PITPNC1: variants seen among roughly 807,000 people sequenced by gnomAD.
PITPNC1 encodes the protein cytoplasmic phosphatidylinositol transfer protein 1.
A neutral mutation model predicts 44.7 loss-of-function variants in PITPNC1; 18 were observed. The observed-to-expected ratio is 0.40, with a 90% CI of 0.28 to 0.60. The LOEUF is 0.60. PITPNC1 is among the 20% of genes least tolerant of loss of function. PITPNC1 has a pLI of 0.39. For synonymous variants in PITPNC1, 141 were observed against 149.6 expected (o/e 0.94, Z 0.42); for missense variants, 290 against 418.4 (o/e 0.69, Z 2.68).
intron 6 of PITPNC1, among the ~76,000 whole-genome samples, chr17:67,662,864 A>C (rs2042368491): frequency 6.6e-6 from 1 of 152,038 alleles, no homozygotes; most frequent in Admixed American, 6.6e-5. Flanking sequence ...TGGAGTATGG[A>C]TCCTGTCACC....
intron 1 of PITPNC1, among the ~76,000 whole-genome samples, chr17:67,506,317 TA>T (rs369658003): frequency 7.9e-5 from 12 of 152,368 alleles, no homozygotes; most frequent in African/African-American, 2.9e-4. Context: ...TGTTCCTGAA[TA>T]TACAATCTCC....
chr17:67,455,948 A>C (rs2143961325), intron 1 of PITPNC1, among the ~76,000 whole-genome samples: 1 of 152,350 alleles, frequency 6.6e-6, no homozygotes, highest in East Asian at 1.9e-4. Flanking sequence ...ATGTACAGAT[A>C]ATAATGAAAC....
intron 4 of PITPNC1, among the ~76,000 whole-genome samples, chr17:67,573,674 C>T (rs554738001): frequency 2.0e-5 from 3 of 151,654 alleles, no homozygotes; most frequent in East Asian, 1.9e-4. Flanking sequence ...GCGATTCTTC[C>T]CGCTCAGCCT....
intron 1 of PITPNC1, among the ~76,000 whole-genome samples, chr17:67,462,340 T>G (rs1034539480): frequency 6.8e-6 from 1 of 147,546 alleles, no homozygotes; most frequent in African/African-American, 2.5e-5. Flanking sequence ...CAAGCAATTC[T>G]CCTGCTTCAG....
At chr17:67,601,609 G>T (rs575139640) in intron 5 of PITPNC1, among the ~76,000 whole-genome samples, 15 of 152,080 alleles carry the variant, frequency 9.9e-5, no homozygotes, top group Admixed American at 9.2e-4. Context: ...TAAAAAATTT[G>T]GCAAGCATGG....
chr17:67,422,099 C>T (rs1258748235), intron 1 of PITPNC1, among the ~76,000 whole-genome samples: 2 of 152,088 alleles, frequency 1.3e-5, no homozygotes, highest in Non-Finnish European at 2.9e-5. Context: ...TGTGACTGTA[C>T]CCAAGAAGGC....
chr17:67,617,088 AC>A (rs1211685793), intron 5 of PITPNC1, among the ~76,000 whole-genome samples: 1 of 152,172 alleles, frequency 6.6e-6, no homozygotes, highest in Admixed American at 6.5e-5. Context: ...ATAACAGAGA[AC>A]CAAAAAAAGC....
At chr17:67,623,700 G>A (rs116252095) in intron 5 of PITPNC1, among the ~76,000 whole-genome samples, 111 of 152,258 alleles carry the variant, frequency 7.3e-4, no homozygotes, top group African/African-American at 2.6e-3. Context: ...TTATTTTCTA[G>A]AGCAGTTTAG....
intron 8 of PITPNC1, among the ~76,000 whole-genome samples, chr17:67,687,945 T>C (rs1056941948): frequency 2.6e-5 from 4 of 151,888 alleles, no homozygotes; most frequent in African/African-American, 9.7e-5. Flanking sequence ...ATCATTTCTT[T>C]GCATCTTCAG....
Position 67,382,338 on chromosome 17 carries a change from G to GGTGTGTGT in PITPNC1, c.48+4163_48+4170dup, listed in dbSNP as rs112100189. 9.0e-4 allele frequency among the ~76,000 whole-genome samples: 131 copies of GGTGTGTGT among 146,198 alleles called. 1 individual carries two copies. The South Asian group carries it at 0.013, about 15-fold the overall frequency. Reference sequence around the variant, plus strand: ...GATTAGAGTGTTGGTGGGGTTTTTTGGTGTGTGTGTGTGTGTGTGTGTGTG... The same window carrying GGTGTGTGT: ...GATTAGAGTGTTGGTGGGGTTTTTTGGTGTGTGTGTGTGTGTGTGTGTGTGTGTGTGTG... On this transcript the variant is annotated intron_variant, in intron 1 of 8. Coordinates refer to ENST00000581322, the MANE Select transcript of PITPNC1 (RefSeq NM_012417.4).
chr17:67,417,101 A>C lies in PITPNC1; in HGVS notation c.48+38899A>C, dbSNP rs900993045. On this transcript the variant is annotated intron_variant, in intron 1 of 8. Transcript: ENST00000581322. ...AGTGCTGGGATTACAAGTGTGAGCC[A>C]CCACGCCCGGCCAACATTCAGCATT... 6.6e-5 allele frequency among the ~76,000 whole-genome samples: 10 copies of C among 151,222 alleles called. No homozygotes were observed. In the East Asian group the frequency reaches 2.0e-3, roughly 30 times the overall value.
At chr17:67,645,762 T>C (rs1275915459) in intron 6 of PITPNC1, among the ~76,000 whole-genome samples, 1 of 152,202 alleles carries the variant, frequency 6.6e-6, no homozygotes, top group Admixed American at 6.5e-5. Context: ...TTTGTGCAGT[T>C]TTTTTCCTAA....
intron 2 of PITPNC1, among the ~76,000 whole-genome samples, chr17:67,534,781 T>C (rs759434111): frequency 2.0e-5 from 3 of 152,260 alleles, no homozygotes; most frequent in Non-Finnish European, 4.4e-5. Flanking sequence ...GCCTCTCCGA[T>C]TGGCCCATAT....
At chr17:67,606,037 C>T (rs1382882993) in intron 5 of PITPNC1, among the ~76,000 whole-genome samples, 1 of 152,168 alleles carries the variant, frequency 6.6e-6, no homozygotes, top group East Asian at 1.9e-4. Flanking sequence ...CTCCACACTC[C>T]ACCTCAGCTG....
chr17:67,630,717 C>CTT (rs113540590), intron 5 of PITPNC1, among the ~76,000 whole-genome samples: 7 of 144,270 alleles, frequency 4.9e-5, no homozygotes, highest in Non-Finnish European at 9.2e-5. Context: ...GAAATTTAGA[C>CTT]TTTTTTTTTT....
At chr17:67,630,860 C>G (rs2041956680) in intron 5 of PITPNC1, among the ~76,000 whole-genome samples, 1 of 151,188 alleles carries the variant, frequency 6.6e-6, no homozygotes, top group African/African-American at 2.4e-5. Flanking sequence ...TACAGGTGTG[C>G]AGCATCACGC....
intron 1 of PITPNC1, among the ~76,000 whole-genome samples, chr17:67,446,136 G>A (rs1312426863): frequency 6.6e-6 from 1 of 151,694 alleles, no homozygotes; most frequent in Non-Finnish European, 1.5e-5. Flanking sequence ...TGGTACAGAC[G>A]GGGTTTCACC....
At position 67,552,147 on chromosome 17, in the gene PITPNC1, AGATGCCCCAGAAT is replaced by A. The variant is rs2040773964; in HGVS notation, c.198-109_198-97del. The A allele has an allele frequency of 4.3e-6, 3 of 695,622 alleles. No homozygotes were observed. The South Asian group carries it at 4.7e-5, about 11-fold the overall frequency. 43.1% of individuals were successfully genotyped at this position (695,622 alleles called of 1,614,324 possible). The stretch of plus-strand genomic sequence containing the variant: ...GGGAAAGGGCAGCTGTGGAGAAAAG[AGATGCCCCAGAAT>A]CCCCCTGATTTCTCCAGCATTTTAT... On this transcript the variant is annotated intron_variant, in intron 2 of 8. Coordinates refer to ENST00000581322, the MANE Select transcript of PITPNC1 (RefSeq NM_012417.4).
chr17:67,378,746 C>T (rs1428655075), intron 1 of PITPNC1, among the ~76,000 whole-genome samples: 1 of 152,238 alleles, frequency 6.6e-6, no homozygotes, highest in East Asian at 1.9e-4. Flanking sequence ...TTGGGCGCAG[C>T]TCCCGGCACG....
Sources: gnomAD v4.1 joint callset for allele counts (sites outside exome capture counted in the v4.1 genomes callset) on GRCh38, gnomAD v4.1.1 for gene constraint, MANE v1.5 for transcripts, NCBI Gene and HGNC (gene_info 2026-07-23, HGNC 2026-07-21) for gene names.